Variants in FBXL7 observed in about 807,000 individuals in gnomAD.
FBXL7 encodes F-box/LRR-repeat protein 7.
In FBXL7, 12 loss-of-function variants were observed where a neutral mutation model predicts 38.3. The ratio of observed to expected loss-of-function variants is 0.31; its 90% CI spans 0.20 to 0.51. FBXL7 has a LOEUF of 0.51. Among genes scored for constraint, FBXL7 ranks in the 20% least tolerant of loss-of-function variants. The pLI is 0.98. For synonymous variants in FBXL7, 297 were observed against 300.9 expected, an observed-to-expected ratio of 0.99 and a Z score of 0.13; for missense variants, 567 against 676.4, an observed-to-expected ratio of 0.84 and a Z score of 1.79.
intron 1 of FBXL7, among the ~76,000 whole-genome samples, chr5:15,509,619 C>CA (rs1233415771): frequency 6.6e-6 from 1 of 151,850 alleles, no homozygotes; most frequent in Non-Finnish European, 1.5e-5. Flanking sequence ...ACAACAACAA[C>CA]AAAAAAAAGT....
At chr5:15,821,510 A>G (rs1175530547) in intron 2 of FBXL7, among the ~76,000 whole-genome samples, 2 of 152,244 alleles carry the variant, frequency 1.3e-5, no homozygotes, top group Non-Finnish European at 1.5e-5. Flanking sequence ...ATGTTGGGCA[A>G]TTTACTTAAC....
chr5:15,782,322 T>C (rs1222055862), intron 2 of FBXL7, among the ~76,000 whole-genome samples: 1 of 152,214 alleles, frequency 6.6e-6, no homozygotes, highest in Non-Finnish European at 1.5e-5. Flanking sequence ...GAATGATTTA[T>C]AATCCTTTGG....
intron 1 of FBXL7, among the ~76,000 whole-genome samples, chr5:15,531,440 G>A (rs75094631): frequency 0.017 from 2,626 of 152,294 alleles, 86 homozygotes; most frequent in African/African-American, 0.06. Flanking sequence ...ATATTTACAT[G>A]AAAGACAACT....
chr5:15,802,634 C>A (rs946880395), intron 2 of FBXL7, among the ~76,000 whole-genome samples: 4 of 151,742 alleles, frequency 2.6e-5, no homozygotes, highest in African/African-American at 9.7e-5. Context: ...GCACTGCTCT[C>A]TCTCAGCACC....
intron 2 of FBXL7, among the ~76,000 whole-genome samples, chr5:15,927,203 T>C (rs1170107203): frequency 1.3e-5 from 2 of 152,152 alleles, no homozygotes; most frequent in African/African-American, 4.8e-5. Flanking sequence ...CTCCTTTGTT[T>C]ACACTCTGTT....
intron 2 of FBXL7, among the ~76,000 whole-genome samples, chr5:15,878,926 G>T (rs1202857781): frequency 6.6e-6 from 1 of 152,130 alleles, no homozygotes; most frequent in African/African-American, 2.4e-5. Flanking sequence ...GAAAGCAATG[G>T]TTCTGTCATT....
At chr5:15,635,701 G>C (rs1741157241) in intron 2 of FBXL7, among the ~76,000 whole-genome samples, 1 of 152,142 alleles carries the variant, frequency 6.6e-6, no homozygotes, top group Admixed American at 6.5e-5. Flanking sequence ...GTAGGCAGGG[G>C]ACAGTTCATA....
chr5:15,767,854 A>G (rs1736629219), intron 2 of FBXL7, among the ~76,000 whole-genome samples: 1 of 152,234 alleles, frequency 6.6e-6, no homozygotes, highest in Non-Finnish European at 1.5e-5. Context: ...TGTTCATAAA[A>G]TGTCTTTAGA....
chr5:15,787,043 A>G (rs1447959999), intron 2 of FBXL7, among the ~76,000 whole-genome samples: 1 of 152,174 alleles, frequency 6.6e-6, no homozygotes, highest in Non-Finnish European at 1.5e-5. Context: ...GCAGCCACAA[A>G]TCAAGGAACA....
intron 1 of FBXL7, among the ~76,000 whole-genome samples, chr5:15,518,971 G>A (rs1037101896): frequency 6.6e-6 from 1 of 152,100 alleles, no homozygotes; most frequent in African/African-American, 2.4e-5. Flanking sequence ...GGAACTTGCA[G>A]TCCGGTGAGG....
At chr5:15,912,488 C>A (rs935925887) in intron 2 of FBXL7, among the ~76,000 whole-genome samples, 1 of 149,360 alleles carries the variant, frequency 6.7e-6, no homozygotes, top group Non-Finnish European at 1.5e-5. Context: ...CCGTCTTCTG[C>A]GTCGCTCACG....
chr5:15,723,855 T>C (rs552457813), intron 2 of FBXL7, among the ~76,000 whole-genome samples: 5 of 152,300 alleles, frequency 3.3e-5, no homozygotes, highest in African/African-American at 9.6e-5. Context: ...TAGTCTATGT[T>C]GGGTAGTTTC....
At chr5:15,926,819 C>T (rs1410280532) in intron 2 of FBXL7, among the ~76,000 whole-genome samples, 1 of 151,996 alleles carries the variant, frequency 6.6e-6, no homozygotes, top group African/African-American at 2.4e-5. Flanking sequence ...CATTGGCTCC[C>T]CTTGTCTGGG....
intron 2 of FBXL7, among the ~76,000 whole-genome samples, chr5:15,696,229 A>G (rs1254228311): frequency 6.6e-6 from 1 of 152,168 alleles, no homozygotes; most frequent in Non-Finnish European, 1.5e-5. Context: ...AAGCAATAGT[A>G]TATTTAGCCA....
intron 2 of FBXL7, among the ~76,000 whole-genome samples, chr5:15,785,755 T>C (rs937053421): frequency 2.0e-5 from 3 of 152,236 alleles, no homozygotes; most frequent in African/African-American, 4.8e-5. Flanking sequence ...GTCCCAGTGA[T>C]AATTCTTGGA....
intron 2 of FBXL7, among the ~76,000 whole-genome samples, chr5:15,842,983 C>G (rs1738790002): frequency 6.6e-6 from 1 of 152,052 alleles, no homozygotes; most frequent in Non-Finnish European, 1.5e-5. Flanking sequence ...ACCTTTGCTA[C>G]AAATATAAGG....
chr5:15,767,470 C>T (rs548272814), intron 2 of FBXL7, among the ~76,000 whole-genome samples: 15 of 152,218 alleles, frequency 9.9e-5, no homozygotes, highest in African/African-American at 3.1e-4. Context: ...GTGGAACTGC[C>T]TCCCCAAGAC....
At chr5:15,844,533 C>T (rs1738839767) in intron 2 of FBXL7, among the ~76,000 whole-genome samples, 2 of 152,196 alleles carry the variant, frequency 1.3e-5, no homozygotes, top group South Asian at 4.1e-4. Flanking sequence ...GGCCATCTCT[C>T]ATGATCGGTA....
chr5:15,511,241 A>G (rs74946917), intron 1 of FBXL7, among the ~76,000 whole-genome samples: 3 of 152,362 alleles, frequency 2.0e-5, no homozygotes, highest in East Asian at 1.9e-4. Context: ...TCTGCTGACA[A>G]ATTGGCAGGT....
Sources: gnomAD v4.1 joint callset for allele counts (sites outside exome capture counted in the v4.1 genomes callset) on GRCh38, gnomAD v4.1.1 for gene constraint, MANE v1.5 for transcripts, NCBI Gene and HGNC (gene_info 2026-07-23, HGNC 2026-07-21) for gene names.